POLD3: variants seen among roughly 807,000 people sequenced by gnomAD.
POLD3 encodes the protein DNA polymerase delta subunit 3.
In POLD3, 19 loss-of-function variants were observed where a neutral mutation model predicts 58.2. The observed-to-expected ratio is 0.33, with a 90% confidence interval of 0.23 to 0.48. The LOEUF is 0.48. Ranked by LOEUF, POLD3 falls within the 20% of genes least tolerant of loss-of-function variation. The pLI, the probability that POLD3 is intolerant of heterozygous loss-of-function variation, is 0.99. For missense variants in POLD3, 504 were observed against 545.5 expected (o/e 0.92, Z 0.76); for synonymous variants, 172 against 193.5 (o/e 0.89, Z 0.92).
intron 4 of POLD3, among the ~76,000 whole-genome samples, chr11:74,667,346 T>G (rs577155722): frequency 2.6e-5 from 4 of 152,180 alleles, no homozygotes; most frequent in Admixed American, 2.6e-4. Flanking sequence ...CCATCCTGGC[T>G]AACACAGTGA....
exon 5 of POLD3, chr11:74,668,855 A>G (rs1377043762): frequency 5.9e-6 from 7 of 1,189,052 alleles, no homozygotes; most frequent in East Asian, 1.1e-4. Context: ...TTGGAGAGGT[A>G]GGGTAGGATC....
chr11:74,629,929 A>G (rs1448966044), intron 9 of POLD3, among the ~76,000 whole-genome samples: 2 of 152,220 alleles, frequency 1.3e-5, no homozygotes, highest in South Asian at 2.1e-4. Context: ...AGGAGGCTAA[A>G]AAGAAAGTTA....
intron 9 of POLD3, among the ~76,000 whole-genome samples, chr11:74,629,920 G>A (rs1189250718): frequency 6.6e-6 from 1 of 152,168 alleles, no homozygotes; most frequent in Non-Finnish European, 1.5e-5. Flanking sequence ...AGAAAAAGAA[G>A]GAGGCTAAAA....
At chr11:74,621,059 T>C (rs2032237123) in intron 7 of POLD3, among the ~76,000 whole-genome samples, 2 of 152,166 alleles carry the variant, frequency 1.3e-5, no homozygotes, top group African/African-American at 4.8e-5. Context: ...AATGTGATAC[T>C]TAAAGGTTAC....
In POLD3 at chr11:74,642,369, T is replaced by G. The variant is rs897686855; in HGVS notation, c.*1603T>G. The G allele has an allele frequency of 2.6e-5, 26 of 985,370 alleles. No homozygotes were observed. Among genetic ancestry groups the G allele is most frequent in the Non-Finnish European group, 3.1e-5 (26 of 829,848 alleles). The allele number at this position is 985,370 out of a possible 1,614,324, so 61.0% of individuals were successfully genotyped here. ...AGGATGGAAAGCCTGGACTTAAACC[T>G]TTAGAAAAAACTTCTGGAGAGAAAT... On this transcript the variant is annotated 3_prime_UTR_variant, in exon 12 of 12. Transcript: ENST00000263681.
At chr11:74,621,545 A>T (rs1021922499) in intron 7 of POLD3, among the ~76,000 whole-genome samples, 21 of 150,560 alleles carry the variant, frequency 1.4e-4, no homozygotes, top group Admixed American at 2.6e-4. Flanking sequence ...GGTTTTTTTT[A>T]AAAAAATCAA....
intron 10 of POLD3, among the ~76,000 whole-genome samples, chr11:74,635,986 T>C (rs532522373): frequency 5.9e-4 from 90 of 152,326 alleles, no homozygotes; most frequent in Non-Finnish European, 1.1e-3. Flanking sequence ...CTTTCCTTCT[T>C]ATGAACAATG....
At chr11:74,633,170 A>C (rs537709881) in intron 9 of POLD3, among the ~76,000 whole-genome samples, 4 of 152,250 alleles carry the variant, frequency 2.6e-5, no homozygotes, top group Non-Finnish European at 5.9e-5. Flanking sequence ...TCATTGCCTA[A>C]ATTTTCCTCC....
intron 9 of POLD3, among the ~76,000 whole-genome samples, chr11:74,630,545 A>G (rs1290242414): frequency 6.6e-6 from 1 of 152,294 alleles, no homozygotes; most frequent in East Asian, 1.9e-4. Context: ...GCTCTTTAGA[A>G]TGGGTAGGAG....
At chr11:74,629,371 A>G in intron 9 of POLD3, 48 bp downstream of exon 9, 1 of 1,053,290 alleles carries the variant, frequency 9.5e-7, no homozygotes, top group Non-Finnish European at 1.4e-6. Flanking sequence ...TTTTACTTTC[A>G]ATGTTCAAGG....
intron 2 of POLD3, among the ~76,000 whole-genome samples, chr11:74,597,666 G>C (rs1041051161): frequency 5.3e-5 from 8 of 152,184 alleles, no homozygotes; most frequent in Non-Finnish European, 7.3e-5. Context: ...TTGCTGTGTT[G>C]TGCAGGCTGG....
At chr11:74,595,028 A>G (rs2135108796) in intron 2 of POLD3, 1 of 152,324 alleles carries the variant, frequency 6.6e-6, no homozygotes. Flanking sequence ...TGTATTTAAC[A>G]TTTTGAGGAA....
downstream of POLD3, among the ~76,000 whole-genome samples, chr11:74,643,888 C>A (rs1247317259): frequency 1.3e-5 from 2 of 152,172 alleles, no homozygotes; most frequent in African/African-American, 4.8e-5. Context: ...TTAAAGAAAA[C>A]CATCTTGGTT....
At chr11:74,626,825 G>GA (rs2032446600) in intron 8 of POLD3, among the ~76,000 whole-genome samples, 1 of 152,086 alleles carries the variant, frequency 6.6e-6, no homozygotes, top group Non-Finnish European at 1.5e-5. Flanking sequence ...TAATGGAGCT[G>GA]AAAAATTCCC....
rs77743773 is a variant in POLD3 at position 74,606,850 on chromosome 11, A to G, written c.219+2056A>G. Among the ~76,000 whole-genome samples the G allele has an allele frequency of 6.9e-3, 1,058 of 152,356 alleles. 17 individuals are homozygous for G. The highest frequency in any genetic ancestry group is 0.024 in the African/African-American group (995 of 41,572). On this transcript the variant is annotated intron_variant, in intron 3 of 11. Coordinates refer to ENST00000263681, the MANE Select transcript of POLD3 (RefSeq NM_006591.3). ...AAAAGGTCTTCTGTTTCTAAGTATA[A>G]GATGGCATTTAAATTCTGCCTATCT...
chr11:74,617,797 C>T (rs1027008234), intron 5 of POLD3, among the ~76,000 whole-genome samples: 3 of 152,242 alleles, frequency 2.0e-5, no homozygotes, highest in Non-Finnish European at 4.4e-5. Flanking sequence ...TGGCTCACTG[C>T]AGCCTTGACC....
chr11:74,668,713 G>T (rs1300014952), intron 4 of POLD3: 7 of 1,145,988 alleles, frequency 6.1e-6, no homozygotes, highest in South Asian at 2.6e-5. Context: ...ATGGGGTTAG[G>T]GGGTATAATG....
chr11:74,640,231 G>A (rs1052840707), intron 11 of POLD3, among the ~76,000 whole-genome samples: 1 of 152,214 alleles, frequency 6.6e-6, no homozygotes, highest in Non-Finnish European at 1.5e-5. Flanking sequence ...CGGATATAGA[G>A]TTCAGGAAGT....
intron 11 of POLD3, among the ~76,000 whole-genome samples, chr11:74,639,705 T>C (rs1338754720): frequency 6.6e-6 from 1 of 152,222 alleles, no homozygotes; most frequent in Non-Finnish European, 1.5e-5. Flanking sequence ...CCTGTGTCCT[T>C]TGGGGCTTGC....
Sources: gnomAD v4.1 joint callset for allele counts (sites outside exome capture counted in the v4.1 genomes callset) on GRCh38, gnomAD v4.1.1 for gene constraint, MANE v1.5 for transcripts, NCBI Gene and HGNC (gene_info 2026-07-23, HGNC 2026-07-21) for gene names.